The following RASGRF2 variants were observed in gnomAD, a reference collection of about 807,000 sequenced individuals.
RASGRF2 encodes Ras protein specific guanine nucleotide releasing factor 2.
Under a neutral mutation model 151.0 loss-of-function variants are expected in RASGRF2, and 76 were observed. That is an observed-to-expected ratio of 0.50 (90% confidence interval 0.42 to 0.61). The LOEUF (loss-of-function observed/expected upper bound fraction) is 0.61. Ranked by LOEUF, RASGRF2 falls within the 20% of genes least tolerant of loss-of-function variation. RASGRF2 has a pLI of 0.00. For missense variants in RASGRF2, 1,148 were observed against 1,564.6 expected, an observed-to-expected ratio of 0.73 and a Z score of 4.49; for synonymous variants, 504 against 566.5, an observed-to-expected ratio of 0.89 and a Z score of 1.57.
At chr5:81,079,093 C>T (rs979728601) in intron 5 of RASGRF2, among the ~76,000 whole-genome samples, 3 of 152,192 alleles carry the variant, frequency 2.0e-5, no homozygotes, top group Admixed American at 2.0e-4. Flanking sequence ...CTGTGTCTTT[C>T]CAAGTGCATC....
intron 25 of RASGRF2, 105 bp downstream of exon 25, chr5:81,217,578 T>TC: frequency 1.4e-6 from 1 of 740,382 alleles, no homozygotes; most frequent in Non-Finnish European, 1.9e-6. Flanking sequence ...TCTCTTCTTT[T>TC]TTTTTTTTTT....
intron 1 of RASGRF2, among the ~76,000 whole-genome samples, chr5:80,986,357 G>T (rs1244927988): frequency 6.6e-6 from 1 of 152,164 alleles, no homozygotes; most frequent in Non-Finnish European, 1.5e-5. Context: ...CCCATACACA[G>T]CTCTTATAGC....
chr5:81,189,819 C>A (rs1362801877), intron 18 of RASGRF2, among the ~76,000 whole-genome samples: 1 of 149,328 alleles, frequency 6.7e-6, no homozygotes, highest in African/African-American at 2.5e-5. Flanking sequence ...TCAAGCAATT[C>A]TCCTGCCTCA....
chr5:81,013,680 G>A (rs1206894991), intron 1 of RASGRF2, among the ~76,000 whole-genome samples: 4 of 151,712 alleles, frequency 2.6e-5, no homozygotes, highest in African/African-American at 7.3e-5. Flanking sequence ...TATGTTGTAT[G>A]TATTATCCCA....
chr5:81,062,686 T>G (rs1751481520), intron 2 of RASGRF2, among the ~76,000 whole-genome samples: 1 of 152,240 alleles, frequency 6.6e-6, no homozygotes, highest in African/African-American at 2.4e-5. Flanking sequence ...CCACAGAGAA[T>G]GAAATGTACC....
chr5:81,058,685 C>T (rs1423178728), intron 2 of RASGRF2, among the ~76,000 whole-genome samples: 1 of 149,918 alleles, frequency 6.7e-6, no homozygotes, highest in Non-Finnish European at 1.5e-5. Context: ...CACCTGTAGT[C>T]CCAGCTACTT....
chr5:81,039,531 A>G (rs1750615583), intron 1 of RASGRF2, among the ~76,000 whole-genome samples: 1 of 152,188 alleles, frequency 6.6e-6, no homozygotes. Flanking sequence ...GAACAAATGG[A>G]AAAAAATGTA....
At chr5:80,979,782 A>C (rs1431955339) in intron 1 of RASGRF2, among the ~76,000 whole-genome samples, 1 of 152,210 alleles carries the variant, frequency 6.6e-6, no homozygotes, top group African/African-American at 2.4e-5. Flanking sequence ...ATTAAATTTA[A>C]GGCTAGAGAA....
chr5:81,048,713 TC>T (rs908412213), intron 2 of RASGRF2, among the ~76,000 whole-genome samples: 1 of 152,294 alleles, frequency 6.6e-6, no homozygotes, highest in African/African-American at 2.4e-5. Flanking sequence ...AGGAGAACCA[TC>T]CCCGGTTCAA....
At chr5:81,120,533 T>G (rs1753278073) in intron 15 of RASGRF2, among the ~76,000 whole-genome samples, 1 of 152,198 alleles carries the variant, frequency 6.6e-6, no homozygotes, top group Admixed American at 6.5e-5. Context: ...CAGTGAGCTC[T>G]GATCATACCA....
At chr5:81,091,299 T>G (rs1752381711) in intron 9 of RASGRF2, among the ~76,000 whole-genome samples, 2 of 152,174 alleles carry the variant, frequency 1.3e-5, no homozygotes, top group African/African-American at 4.8e-5. Context: ...CCTCCAGTAC[T>G]CTATGTCATT....
chr5:81,073,065 T>C lies in RASGRF2; in HGVS notation c.634-134T>C, dbSNP rs1156590240. On this transcript the variant is annotated intron_variant, in intron 4 of 26. Transcript: ENST00000265080. ...TGCCTGTTATTTTTCACATCATCCC[T>C]AGGGAATCCTTATCAATTTTAGAGG... is the stretch of plus-strand genomic sequence containing the variant. 8 of 1,118,246 alleles carry C rather than the reference T, an allele frequency of 7.2e-6. No homozygotes were observed. In the African/African-American group the frequency reaches 1.3e-4, roughly 18 times the overall value. 69.3% of individuals were successfully genotyped at this position (1,118,246 alleles called of 1,614,324 possible).
chr5:81,178,769 C>T (rs1054167496), intron 17 of RASGRF2, among the ~76,000 whole-genome samples: 4 of 151,908 alleles, frequency 2.6e-5, no homozygotes, highest in East Asian at 1.9e-4. Flanking sequence ...GACGGAGTCT[C>T]GCTCTGTCGC....
chr5:81,118,306 T>A (rs1490226501), intron 15 of RASGRF2, among the ~76,000 whole-genome samples: 1 of 152,248 alleles, frequency 6.6e-6, no homozygotes, highest in Non-Finnish European at 1.5e-5. Context: ...TAGCACCACA[T>A]GGATGCCACC....
chr5:80,994,027 T>C (rs1748738878), intron 1 of RASGRF2, among the ~76,000 whole-genome samples: 1 of 152,036 alleles, frequency 6.6e-6, no homozygotes, highest in Admixed American at 6.6e-5. Flanking sequence ...GTAAGGAAAT[T>C]CTGCCTTCCT....
chr5:81,141,097 A>G (rs1409177847), intron 17 of RASGRF2, among the ~76,000 whole-genome samples: 1 of 152,164 alleles, frequency 6.6e-6, no homozygotes, highest in Non-Finnish European at 1.5e-5. Context: ...GCCAAACACA[A>G]TACTTTCATG....
At chr5:81,087,381 G>T in intron 9 of RASGRF2, 1 of 699,672 alleles carries the variant, frequency 1.4e-6, no homozygotes, top group Non-Finnish European at 2.6e-6. Flanking sequence ...GCTGTCTGTT[G>T]TTCCCATTTT....
At chr5:81,104,429 ATAATT>A (rs1271737175) in intron 12 of RASGRF2, among the ~76,000 whole-genome samples, 2 of 152,118 alleles carry the variant, frequency 1.3e-5, no homozygotes, top group African/African-American at 4.8e-5. Context: ...TCGTAGATGA[ATAATT>A]TATTTAAAAA....
intron 17 of RASGRF2, among the ~76,000 whole-genome samples, chr5:81,141,296 G>A (rs1327985059): frequency 6.6e-6 from 1 of 152,188 alleles, no homozygotes; most frequent in Non-Finnish European, 1.5e-5. Context: ...TTTACAGAGA[G>A]TTGATCTCTT....
Sources: gnomAD v4.1 joint callset for allele counts (sites outside exome capture counted in the v4.1 genomes callset) on GRCh38, gnomAD v4.1.1 for gene constraint, MANE v1.5 for transcripts, NCBI Gene and HGNC (gene_info 2026-07-23, HGNC 2026-07-21) for gene names.